AKR1C8: variants seen among roughly 807,000 people sequenced by gnomAD.
AKR1C8 encodes the protein aldo-keto reductase family 1 member C-like protein 1.
the AKR1C8 span, among the ~76,000 whole-genome samples, chr10:5,175,969 C>G: frequency 1.3e-5 from 2 of 152,078 alleles, no homozygotes; most frequent in Non-Finnish European, 2.9e-5. Context: ...TGTGCAAAAG[C>G]TCTTTAGTTT....
chr10:5,168,024 T>TA, the AKR1C8 span, among the ~76,000 whole-genome samples: 87 of 151,072 alleles, frequency 5.8e-4, 1 homozygote, highest in South Asian at 0.016. Context: ...TCCACCAGAT[T>TA]AAAAAAAAAG....
the AKR1C8 span, among the ~76,000 whole-genome samples, chr10:5,151,429 A>C: frequency 6.6e-6 from 1 of 152,116 alleles, no homozygotes; most frequent in Admixed American, 6.6e-5. Context: ...AGTTCAGCCT[A>C]TGCCCATGAG....
the AKR1C8 span, chr10:5,123,885 T>G: frequency 2.0e-6 from 3 of 1,491,998 alleles, no homozygotes; most frequent in Non-Finnish European, 2.7e-6. Context: ...ATAAAAAGAT[T>G]ACAGATTAAA....
chr10:5,173,121 C>T, the AKR1C8 span, among the ~76,000 whole-genome samples: 1 of 151,936 alleles, frequency 6.6e-6, no homozygotes, highest in Non-Finnish European at 1.5e-5. Context: ...CAGGGAGTCC[C>T]AGGCTACCAG....
chr10:5,124,990 G>GT, the AKR1C8 span, among the ~76,000 whole-genome samples: 1 of 147,082 alleles, frequency 6.8e-6, no homozygotes, highest in East Asian at 2.0e-4. Flanking sequence ...TTTTGAAAAC[G>GT]TAAAAAAAAA....
At chr10:5,157,587 A>G in the AKR1C8 span, 1 of 444,574 alleles carries the variant, frequency 2.2e-6, no homozygotes, top group South Asian at 1.7e-5. Context: ...GAGATCGCCC[A>G]GATCAGCACC....
the AKR1C8 span, among the ~76,000 whole-genome samples, chr10:5,153,091 T>C: frequency 1.8e-4 from 28 of 152,350 alleles, no homozygotes; most frequent in African/African-American, 5.5e-4. Flanking sequence ...TACGTACTTA[T>C]ATGTTTCTTG....
the AKR1C8 span, among the ~76,000 whole-genome samples, chr10:5,140,931 T>A: frequency 6.6e-6 from 1 of 152,108 alleles, no homozygotes; most frequent in African/African-American, 2.4e-5. Flanking sequence ...CTGTGGCAAT[T>A]TCTTAAATAA....
chr10:5,132,789 T>C, the AKR1C8 span: 2 of 1,112,916 alleles, frequency 1.8e-6, 1 homozygote, highest in South Asian at 3.0e-5. Flanking sequence ...TAATGAAAAG[T>C]AGTATTTGGT....
chr10:5,161,802 C>A, the AKR1C8 span: 18 of 534,690 alleles, frequency 3.4e-5, no homozygotes, highest in East Asian at 9.3e-4. Context: ...AATTCAGATG[C>A]TTATAACCAT....
At chr10:5,120,347 G>A in the AKR1C8 span, among the ~76,000 whole-genome samples, 1 of 143,814 alleles carries the variant, frequency 7.0e-6, no homozygotes, top group South Asian at 2.3e-4. Flanking sequence ...ATATTTCTGT[G>A]TGTGTGTCTT....
chr10:5,161,875 T>C, the AKR1C8 span: 1 of 534,078 alleles, frequency 1.9e-6, no homozygotes, highest in South Asian at 1.4e-5. Context: ...AAATGGTACA[T>C]GAATAATGAA....
chr10:5,119,225 G>A, the AKR1C8 span, among the ~76,000 whole-genome samples: 1 of 152,160 alleles, frequency 6.6e-6, no homozygotes, highest in Non-Finnish European at 1.5e-5. Context: ...TGAATGAATG[G>A]CACAGTAAGC....
At chr10:5,183,747 GA>G in the AKR1C8 span, among the ~76,000 whole-genome samples, 1 of 151,746 alleles carries the variant, frequency 6.6e-6, no homozygotes, top group African/African-American at 2.4e-5. Context: ...TTTAAACAGA[GA>G]AACAGCTTGA....
At chr10:5,162,817 A>G in the AKR1C8 span, 1 of 491,740 alleles carries the variant, frequency 2.0e-6, no homozygotes, top group Admixed American at 2.1e-5. Context: ...CTGAACTTAT[A>G]GTGGCCTCTG....
chr10:5,133,375 G>C, the AKR1C8 span, among the ~76,000 whole-genome samples: 1 of 152,162 alleles, frequency 6.6e-6, no homozygotes, highest in Non-Finnish European at 1.5e-5. Flanking sequence ...TTACAGGCGT[G>C]AGCCACTGCA....
the AKR1C8 span, among the ~76,000 whole-genome samples, chr10:5,156,609 C>A: frequency 3.3e-5 from 5 of 152,008 alleles, no homozygotes; most frequent in South Asian, 2.1e-4. Context: ...TATCTACCAA[C>A]ACATTTATCC....
the AKR1C8 span, among the ~76,000 whole-genome samples, chr10:5,146,605 G>T: frequency 6.6e-6 from 1 of 152,054 alleles, no homozygotes; most frequent in Non-Finnish European, 1.5e-5. Context: ...TTTGTGAAAG[G>T]CCAGGAAATT....
At chr10:5,176,606 A>T in the AKR1C8 span, among the ~76,000 whole-genome samples, 5 of 151,862 alleles carry the variant, frequency 3.3e-5, no homozygotes, top group African/African-American at 1.2e-4. Context: ...CTTCCTACCC[A>T]TGAGCATGGA....
Sources: gnomAD v4.1 joint callset for allele counts (sites outside exome capture counted in the v4.1 genomes callset) on GRCh38, gnomAD v4.1.1 for gene constraint, MANE v1.5 for transcripts, NCBI Gene and HGNC (gene_info 2026-07-23, HGNC 2026-07-21) for gene names.